The following NEBL variants were observed in gnomAD, a reference collection of about 807,000 sequenced individuals.
NEBL encodes nebulette.
In NEBL, 122 loss-of-function variants were observed where a neutral mutation model predicts 140.2. The observed-to-expected ratio is 0.87, with a 90% CI of 0.75 to 1.01. NEBL has a LOEUF of 1.01. Among genes scored for constraint, NEBL ranks in the 50% least tolerant of loss-of-function variants. NEBL has a pLI of 0.00. For synonymous variants in NEBL, 436 were observed against 398.9 expected, an observed-to-expected ratio of 1.09 and a Z score of -1.11; for missense variants, 1,365 against 1,231.3, an observed-to-expected ratio of 1.11 and a Z score of -1.62.
At chr10:21,164,165 A>C (rs996484939) in intron 2 of NEBL, among the ~76,000 whole-genome samples, 1 of 152,258 alleles carries the variant, frequency 6.6e-6, no homozygotes, top group Non-Finnish European at 1.5e-5. Context: ...TACTCAGCTC[A>C]TAAATATTAT....
In NEBL at chr10:21,070,631, A is replaced by C. The variant is rs1358849123; in HGVS notation, c.165-50430T>G. Among the ~76,000 whole-genome samples, 15 of 152,080 alleles carry C rather than the reference A, an allele frequency of 9.9e-5. 1 individual carries two copies. The highest frequency in any genetic ancestry group is 3.6e-4 in the African/African-American group (15 of 41,488). On this transcript the variant is annotated intron_variant, in intron 2 of 6. Transcript: ENST00000417816. The stretch of plus-strand genomic sequence containing the variant: ...CATCCCTGAAACCAAGACACACTTA[A>C]AAAAAAATTACTCTGAACATTAAAT...
intron 3 of NEBL, among the ~76,000 whole-genome samples, chr10:21,202,007 A>G (rs1841745880): frequency 6.6e-6 from 1 of 152,064 alleles, no homozygotes; most frequent in Non-Finnish European, 1.5e-5. Flanking sequence ...TCCTTTGGGT[A>G]TTTTGCACTG....
chr10:21,082,717 A>G (rs1252045308), intron 2 of NEBL, among the ~76,000 whole-genome samples: 1 of 149,612 alleles, frequency 6.7e-6, no homozygotes, highest in Non-Finnish European at 1.5e-5. Context: ...TTGAAAATAC[A>G]TTTATTTAAG....
At chr10:20,850,301 T>C in intron 11 of NEBL, 94 bp downstream of exon 11, 1 of 1,025,094 alleles carries the variant, frequency 9.8e-7, no homozygotes, top group Non-Finnish European at 1.5e-6. Context: ...ACAGCAGCAC[T>C]CTTCCTTCCA....
chr10:20,952,440 G>GAAA (rs71390801), intron 4 of NEBL, among the ~76,000 whole-genome samples: 50 of 101,740 alleles, frequency 4.9e-4, no homozygotes, highest in African/African-American at 2.0e-3. Context: ...CTGTCTGAAG[G>GAAA]AAAAAAAAAA....
chr10:20,836,584 T>C (rs562927165), intron 13 of NEBL, among the ~76,000 whole-genome samples: 1 of 152,168 alleles, frequency 6.6e-6, no homozygotes, highest in African/African-American at 2.4e-5. Flanking sequence ...CTGGCAAAAC[T>C]CCAACTGGCC....
At chr10:20,924,442 T>TA (rs1387432247) in intron 4 of NEBL, among the ~76,000 whole-genome samples, 2 of 111,164 alleles carry the variant, frequency 1.8e-5, no homozygotes, top group Non-Finnish European at 3.7e-5. Context: ...AAAAAAAGGC[T>TA]ACACCTTTCC....
At chr10:20,894,540 A>C (rs1391136729) in intron 2 of NEBL, among the ~76,000 whole-genome samples, 3 of 151,998 alleles carry the variant, frequency 2.0e-5, no homozygotes, top group Non-Finnish European at 2.9e-5. Context: ...AAAGGAAAAA[A>C]ATCTAAAAAT....
intron 2 of NEBL, among the ~76,000 whole-genome samples, chr10:21,120,014 A>T (rs1838459461): frequency 6.6e-6 from 1 of 152,080 alleles, no homozygotes; most frequent in South Asian, 2.1e-4. Context: ...ATGCTAAGTG[A>T]TGGGCAGAGA....
At chr10:20,899,860 G>A (rs577559375), upstream of NEBL, among the ~76,000 whole-genome samples, 6 of 152,278 alleles carry the variant, frequency 3.9e-5, no homozygotes, top group East Asian at 1.9e-4. Context: ...TTAATGGATC[G>A]TTTGGCAAGC....
At position 20,944,057 on chromosome 10, in the gene NEBL, A is replaced by C. The variant is rs571103893; in HGVS notation, c.357+17615T>G. Among the ~76,000 whole-genome samples the C allele has an allele frequency of 1.5e-4, 23 of 152,358 alleles. 1 individual carries two copies. Among genetic ancestry groups the C allele is most frequent in the African/African-American group, 5.5e-4 (23 of 41,590 alleles). The stretch of plus-strand genomic sequence containing the variant: ...GGTTCACCATCTAACTTTCAGACAC[A>C]CAGTCAATAAAAACAATAAAAGTTA... On this transcript the variant is annotated intron_variant, in intron 4 of 6. Coordinates refer to the NEBL transcript ENST00000417816.
intron 3 of NEBL, among the ~76,000 whole-genome samples, chr10:21,018,061 A>C (rs572126305): frequency 6.6e-6 from 1 of 152,160 alleles, no homozygotes; most frequent in African/African-American, 2.4e-5. Flanking sequence ...ACCTCAAGTG[A>C]TCCACCCACC....
chr10:21,161,075 G>A (rs1407344129), intron 2 of NEBL, among the ~76,000 whole-genome samples: 1 of 152,150 alleles, frequency 6.6e-6, no homozygotes, highest in African/African-American at 2.4e-5. Flanking sequence ...CCTACACAGA[G>A]GAAGTGTTTG....
At chr10:21,035,281 A>G (rs1196705990) in intron 2 of NEBL, among the ~76,000 whole-genome samples, 1 of 152,142 alleles carries the variant, frequency 6.6e-6, no homozygotes, top group Non-Finnish European at 1.5e-5. Context: ...TACAGGCATA[A>G]GCCACCATGC....
At chr10:21,072,247 A>C (rs559062450) in intron 2 of NEBL, among the ~76,000 whole-genome samples, 54 of 152,110 alleles carry the variant, frequency 3.6e-4, no homozygotes, top group African/African-American at 1.2e-3. Flanking sequence ...TAGTCTCCTC[A>C]TAGCCCTCCC....
At chr10:21,077,625 A>T (rs561647473) in intron 2 of NEBL, among the ~76,000 whole-genome samples, 5 of 152,132 alleles carry the variant, frequency 3.3e-5, no homozygotes, top group Admixed American at 2.6e-4. Context: ...TAAAAATAAA[A>T]ATAAATAAAT....
At chr10:21,245,340 G>A (rs888638122) in intron 3 of NEBL, among the ~76,000 whole-genome samples, 9 of 152,192 alleles carry the variant, frequency 5.9e-5, no homozygotes, top group African/African-American at 2.2e-4. Flanking sequence ...CAGACAAGGT[G>A]CATGTTAAAC....
At chr10:21,210,395 A>G (rs1395158659) in intron 3 of NEBL, among the ~76,000 whole-genome samples, 2 of 152,244 alleles carry the variant, frequency 1.3e-5, no homozygotes, top group Non-Finnish European at 2.9e-5. Flanking sequence ...TCTGTCTCAA[A>G]AAAAAGAAAG....
At chr10:20,969,550 T>C (rs1426251497) in intron 3 of NEBL, among the ~76,000 whole-genome samples, 1 of 145,928 alleles carries the variant, frequency 6.9e-6, no homozygotes, top group Non-Finnish European at 1.5e-5. Context: ...TTTTCTTTTT[T>C]TTTTTTTTTT....
Sources: gnomAD v4.1 joint callset for allele counts (sites outside exome capture counted in the v4.1 genomes callset) on GRCh38, gnomAD v4.1.1 for gene constraint, MANE v1.5 for transcripts, NCBI Gene and HGNC (gene_info 2026-07-23, HGNC 2026-07-21) for gene names.